EHMT1: variants seen among roughly 807,000 people sequenced by gnomAD.
EHMT1 encodes euchromatic histone lysine methyltransferase 1.
In EHMT1, 15 loss-of-function variants were observed where a neutral mutation model predicts 147.2. That is an observed-to-expected ratio of 0.10 (90% confidence interval 0.07 to 0.16). The LOEUF (loss-of-function observed/expected upper bound fraction) is 0.16. Among genes scored for constraint, EHMT1 ranks in the 10% least tolerant of loss-of-function variants. The pLI is 1.00. For missense variants in EHMT1, 1,587 were observed against 1,772.4 expected (o/e 0.90, Z 1.88); for synonymous variants, 795 against 709.6 (o/e 1.12, Z -1.91).
chr9:137,747,187 T>C (rs1466645004), intron 6 of EHMT1: 1 of 152,176 alleles, frequency 6.6e-6, no homozygotes, highest in Non-Finnish European at 1.5e-5. Context: ...GGACTGAGTC[T>C]GGCGCTGTCA....
chr9:137,625,863 G>GC (rs1843219624), intron 1 of EHMT1, among the ~76,000 whole-genome samples: 1 of 147,928 alleles, frequency 6.8e-6, no homozygotes, highest in Admixed American at 6.8e-5. Context: ...TTTTGTTTTT[G>GC]TTTTTTTTTG....
At chr9:137,635,806 C>T (rs960027340) in intron 1 of EHMT1, among the ~76,000 whole-genome samples, 12 of 151,202 alleles carry the variant, frequency 7.9e-5, no homozygotes, top group African/African-American at 2.7e-4. Flanking sequence ...GGCGACAGAG[C>T]GAGACTGTCT....
Position 137,779,725 on chromosome 9 carries a change from C to A in EHMT1, c.2275+8C>A. 1 of 1,613,236 alleles carries A rather than the reference C, an allele frequency of 6.2e-7. No homozygotes were observed. The highest frequency in any genetic ancestry group is 2.2e-5 in the East Asian group (1 of 44,872). On this transcript the variant is annotated splice_region_variant and intron_variant, in intron 14 of 26. Transcript: ENST00000460843. ...AGGTGCTCCTCATGCTGGGTAAGTG[C>A]CTTCCTGCGGCCCGGGCACATGCAG...
intron 10 of EHMT1, chr9:137,764,862 T>C (rs756251008): frequency 1.3e-5 from 2 of 152,378 alleles, no homozygotes; most frequent in East Asian, 1.9e-4. Context: ...GCTAAAAGAA[T>C]CTGGATTCCA....
intron 25 of EHMT1, among the ~76,000 whole-genome samples, chr9:137,822,999 C>T (rs1035153349): frequency 2.0e-5 from 3 of 151,756 alleles, no homozygotes; most frequent in South Asian, 2.1e-4. Flanking sequence ...GGCACAATCT[C>T]GGCTCACTGC....
rs568314413 is a variant in EHMT1, at chr9:137,775,049, G to C, written c.1648-60G>C. On this transcript the variant is annotated intron_variant, in intron 10 of 26. Transcript: ENST00000460843. This position sits in a 1 kb window ranked among gnomAD's most constrained non-coding sequence, Gnocchi z 6.1. The stretch of plus-strand genomic sequence containing the variant: ...GTGCCTGCACTGCCCAGCGCCTGGT[G>C]GGAGGGAATGCCGGCCTCTCGTGAC... The C allele has an allele frequency of 9.4e-5, 151 of 1,612,164 alleles. No homozygotes were observed. The East Asian group carries it at 3.3e-3, about 36-fold the overall frequency.
chr9:137,769,896 G>A (rs1194269728), intron 10 of EHMT1, among the ~76,000 whole-genome samples: 2 of 152,058 alleles, frequency 1.3e-5, no homozygotes, highest in Non-Finnish European at 1.5e-5. Context: ...GAGTTCAGTG[G>A]CATGAACACG....
Position 137,790,976 on chromosome 9 carries a change from T to A in EHMT1, c.2505+6T>A. 1 of 1,614,214 alleles carries A rather than the reference T, an allele frequency of 6.2e-7. No homozygotes were observed. The highest frequency in any genetic ancestry group is 8.5e-7 in the Non-Finnish European group (1 of 1,180,032). ...GGGCCCTGGTGGATCCCAAGGTATGTTCCCCTGTCAGAATCAACGTCCTAG... is the reference window on the plus strand; with the variant it reads ...GGGCCCTGGTGGATCCCAAGGTATGATCCCCTGTCAGAATCAACGTCCTAG... On this transcript the variant is annotated splice_donor_region_variant and intron_variant, in intron 16 of 26. Coordinates refer to ENST00000460843, the MANE Select transcript of EHMT1 (RefSeq NM_024757.5).
intron 1 of EHMT1, among the ~76,000 whole-genome samples, chr9:137,637,300 C>G (rs995021452): frequency 2.0e-5 from 3 of 151,714 alleles, no homozygotes; most frequent in African/African-American, 7.3e-5. Flanking sequence ...CTCAGCCTCC[C>G]GAGTAGCTGG....
chr9:137,833,543 T>A (rs935057054), intron 25 of EHMT1, among the ~76,000 whole-genome samples: 2 of 152,196 alleles, frequency 1.3e-5, no homozygotes, highest in Non-Finnish European at 2.9e-5. Context: ...CCCCAGCAGC[T>A]CCAAGCCCTG....
At chr9:137,697,972 A>G (rs979274945) in intron 1 of EHMT1, among the ~76,000 whole-genome samples, 3 of 146,890 alleles carry the variant, frequency 2.0e-5, no homozygotes, top group Non-Finnish European at 4.5e-5. Flanking sequence ...CGGAGGCCTC[A>G]CTCCCCACTG....
At chr9:137,719,164 G>A (rs1469014246) in intron 3 of EHMT1, among the ~76,000 whole-genome samples, 1 of 152,174 alleles carries the variant, frequency 6.6e-6, no homozygotes, top group Admixed American at 6.5e-5. Flanking sequence ...TTCCTCAAGT[G>A]GGGGTTCTCT....
At chr9:137,737,087 C>T (rs1947604258) in intron 4 of EHMT1, among the ~76,000 whole-genome samples, 1 of 151,882 alleles carries the variant, frequency 6.6e-6, no homozygotes, top group African/African-American at 2.4e-5. Flanking sequence ...GCCTGTGGTT[C>T]CAGCTACTCC....
rs778919891 is a variant in EHMT1, at chr9:137,821,318, C to CTTTTTT, written c.3540+3200_3540+3205dup. Among the ~76,000 whole-genome samples, 112 of 63,982 alleles carry CTTTTTT rather than the reference C, an allele frequency of 1.8e-3. 14 individuals carry two copies. Among genetic ancestry groups the CTTTTTT allele is most frequent in the African/African-American group, 7.1e-3 (104 of 14,622 alleles). The allele number at this position is 63,982 out of a possible 152,430, so 42.0% of individuals were successfully genotyped here. A position where few individuals can be genotyped will look rare whatever the true frequency, so the allele number is the denominator to read the frequency against. On this transcript the variant is annotated intron_variant, in intron 25 of 26. Transcript: ENST00000460843. ...ACAGGCATGAGCCACTGCGCCCGGC[C>CTTTTTT]TTTTTTTTTTTTTTTTTTTTTTTTT...
intron 1 of EHMT1, among the ~76,000 whole-genome samples, chr9:137,698,663 G>C (rs747915432): frequency 3.9e-5 from 6 of 152,110 alleles, no homozygotes; most frequent in Non-Finnish European, 8.8e-5. Flanking sequence ...CAGGGCCTAG[G>C]TTTACCAGCA....
At chr9:137,781,006 C>A in intron 14 of EHMT1, among the ~76,000 whole-genome samples, 1 of 107,134 alleles carries the variant, frequency 9.3e-6, no homozygotes, top group African/African-American at 4.4e-5. Context: ...GTGATGACGC[C>A]GGGATGTGTG....
intron 16 of EHMT1, among the ~76,000 whole-genome samples, chr9:137,796,672 C>T (rs1383310734): frequency 7.3e-6 from 1 of 136,174 alleles, no homozygotes; most frequent in African/African-American, 2.7e-5. Flanking sequence ...CCGCTGCACT[C>T]CAGCCTGGGC....
At chr9:137,705,818 G>T (rs925013832) in intron 1 of EHMT1, among the ~76,000 whole-genome samples, 2 of 152,236 alleles carry the variant, frequency 1.3e-5, no homozygotes, top group Non-Finnish European at 2.9e-5. Context: ...CAGTCTTGGG[G>T]CTGTGAGGTC....
chr9:137,765,263 C>T (rs1033114435), intron 10 of EHMT1, among the ~76,000 whole-genome samples: 4 of 152,146 alleles, frequency 2.6e-5, no homozygotes, highest in African/African-American at 4.8e-5. Flanking sequence ...AAGCTTCAGC[C>T]GGGATTGGCA....
Sources: gnomAD v4.1 joint callset for allele counts (sites outside exome capture counted in the v4.1 genomes callset) on GRCh38, gnomAD v4.1.1 for gene constraint, Gnocchi (gnomAD v3.1) non-coding constraint, MANE v1.5 for transcripts, NCBI Gene and HGNC (gene_info 2026-07-23, HGNC 2026-07-21) for gene names.